MEF2A: variants seen among roughly 807,000 people sequenced by gnomAD.
MEF2A encodes the protein myocyte-specific enhancer factor 2A.
In MEF2A, 28 loss-of-function variants were observed where a neutral mutation model predicts 55.8. That is an observed-to-expected ratio of 0.50 (90% CI 0.37 to 0.69). The LOEUF (loss-of-function observed/expected upper bound fraction) is 0.69, where lower values mean the gene tolerates loss of function less well. MEF2A is among the 30% of genes least tolerant of loss of function. MEF2A has a pLI of 0.00. For synonymous variants in MEF2A, 239 were observed against 227.1 expected (o/e 1.05, Z -0.47); for missense variants, 528 against 626.2 (o/e 0.84, Z 1.67).
chr15:99,619,536 T>C (rs1001658783), intron 2 of MEF2A, among the ~76,000 whole-genome samples: 2 of 152,220 alleles, frequency 1.3e-5, no homozygotes, highest in African/African-American at 4.8e-5. Context: ...GTATTGCTGT[T>C]GTTACTATGC....
At chr15:99,709,269 C>T (rs1268059242) in intron 10 of MEF2A, among the ~76,000 whole-genome samples, 5 of 152,170 alleles carry the variant, frequency 3.3e-5, no homozygotes, top group Non-Finnish European at 2.9e-5. Context: ...AAGGATAACA[C>T]CCATGGGCTT....
rs549812774 is a variant in MEF2A, at chr15:99,651,902, A to G, written c.258+6138A>G. Among the ~76,000 whole-genome samples the G allele has an allele frequency of 2.3e-4, 35 of 152,334 alleles. No homozygotes were observed. The South Asian group carries it at 6.6e-3, about 29-fold the overall frequency. On this transcript the variant is annotated intron_variant, in intron 4 of 11. Transcript: ENST00000557942. Reference sequence around the variant, plus strand: ...GGAAAAGATGATAGATATCACTTGTATATATAACTGAACTTTTTTCTGTAA... The same window carrying G: ...GGAAAAGATGATAGATATCACTTGTGTATATAACTGAACTTTTTTCTGTAA...
intron 8 of MEF2A, chr15:99,690,778 T>G: frequency 2.4e-6 from 1 of 408,692 alleles, no homozygotes. Context: ...GAGAATAGAA[T>G]GATAGCAGAG....
chr15:99,625,633 T>C (rs1176955483), intron 2 of MEF2A, among the ~76,000 whole-genome samples: 1 of 152,166 alleles, frequency 6.6e-6, no homozygotes. Context: ...GTATTTATTA[T>C]GATGAAGTAG....
intron 11 of MEF2A, among the ~76,000 whole-genome samples, chr15:99,711,125 G>A (rs2058595173): frequency 1.3e-5 from 2 of 152,188 alleles, no homozygotes; most frequent in Non-Finnish European, 2.9e-5. Flanking sequence ...CTGCTCCCAA[G>A]CACCTGCCTC....
In MEF2A at chr15:99,716,227, C is replaced by T. The variant is rs2059139386; in HGVS notation, c.*3456C>T. ...GTATTTGGTAAATGTTTGTAGTCAA[C>T]AGTTCACACAAGAAGCTGTACACGG... On this transcript the variant is annotated 3_prime_UTR_variant, in exon 12 of 12. Coordinates refer to ENST00000557942, the MANE Select transcript of MEF2A (RefSeq NM_001319206.4). 8.5e-6 allele frequency: 2 copies of T among 236,284 alleles called. No individual in the cohort carries two copies. Among genetic ancestry groups the T allele is most frequent in the South Asian group, 1.0e-4 (2 of 19,578 alleles). 14.6% of individuals were successfully genotyped at this position (236,284 alleles called of 1,614,324 possible). A position where few individuals can be genotyped will look rare whatever the true frequency, so the allele number is the denominator to read the frequency against.
chr15:99,565,546 G>A (rs1959166191), upstream of MEF2A: 1 of 151,436 alleles, frequency 6.6e-6, no homozygotes, highest in Non-Finnish European at 1.5e-5. Flanking sequence ...CCCCGCCCTG[G>A]GAGGCGCCCG....
Position 99,715,586 on chromosome 15 carries a change from T to G in MEF2A, c.*2815T>G, listed in dbSNP as rs1416333052. On this transcript the variant is annotated 3_prime_UTR_variant, in exon 12 of 12. Coordinates refer to ENST00000557942, the MANE Select transcript of MEF2A (RefSeq NM_001319206.4). ...GTGTGAACACACCCACATCCACATCTCTGGGTGGAAACCAGCCTAGAGAGG... is the reference window on the plus strand; with the variant it reads ...GTGTGAACACACCCACATCCACATCGCTGGGTGGAAACCAGCCTAGAGAGG... 1 of 152,226 alleles carries G rather than the reference T, an allele frequency of 6.6e-6. No homozygotes were observed. The allele number at this position is 152,226 out of a possible 1,614,324, so 9.4% of individuals were successfully genotyped here.
chr15:99,603,991 TTTTGTGAAATAG>T (rs373900151), intron 2 of MEF2A, among the ~76,000 whole-genome samples: 1 of 152,218 alleles, frequency 6.6e-6, no homozygotes, highest in Non-Finnish European at 1.5e-5. Context: ...CACTATTAAA[TTTTGTGAAATAG>T]TTTGTGAAAT....
At chr15:99,709,728 G>A (rs1003506650) in intron 10 of MEF2A, among the ~76,000 whole-genome samples, 3 of 152,178 alleles carry the variant, frequency 2.0e-5, no homozygotes, top group African/African-American at 2.4e-5. Flanking sequence ...ATAACTCCCC[G>A]TGTGAGTGAT....
rs200979718 is a variant in MEF2A at position 99,639,077 on chromosome 15, TTTCCAAAGG to T, written c.54+5915_54+5923del. The stretch of plus-strand genomic sequence containing the variant: ...GAAAGCAGTTTAAAAATAAAAGTTT[TTTCCAAAGG>T]TTCCAAAGGTAGAGTACAGAGAACG... On this transcript the variant is annotated intron_variant, in intron 3 of 11. Transcript: ENST00000557942. 7.8e-3 allele frequency among the ~76,000 whole-genome samples: 1,181 copies of T among 152,294 alleles called. 12 individuals are homozygous for T. The highest frequency in any genetic ancestry group is 0.027 in the African/African-American group (1,103 of 41,566).
chr15:99,610,136 G>A (rs1031474482), intron 2 of MEF2A, among the ~76,000 whole-genome samples: 5 of 151,864 alleles, frequency 3.3e-5, no homozygotes, highest in Non-Finnish European at 7.4e-5. Flanking sequence ...ATAGAGCACT[G>A]GCAGTGAACA....
chr15:99,605,181 C>T (rs1010446036), intron 2 of MEF2A, among the ~76,000 whole-genome samples: 5 of 152,178 alleles, frequency 3.3e-5, no homozygotes, highest in African/African-American at 1.2e-4. Context: ...CTCCTGGCCT[C>T]AAGTGATCTG....
At position 99,579,062 on chromosome 15, in the gene MEF2A, C is replaced by T. The variant is rs1965171654; in HGVS notation, c.-225+12958C>T. Among the ~76,000 whole-genome samples, 3 of 152,268 alleles carry T rather than the reference C, an allele frequency of 2.0e-5. No individual in the cohort carries two copies. In the South Asian group the frequency reaches 6.2e-4, roughly 32 times the overall value. ...GCTCATAACACATGACCTGTGGTAG[C>T]TCATTTTCATTTGAATCACTTCTTT... On this transcript the variant is annotated intron_variant, in intron 1 of 11. Coordinates refer to ENST00000557942, the MANE Select transcript of MEF2A (RefSeq NM_001319206.4).
chr15:99,609,590 C>A (rs1326526477), intron 2 of MEF2A, among the ~76,000 whole-genome samples: 2 of 152,042 alleles, frequency 1.3e-5, no homozygotes, highest in Non-Finnish European at 1.5e-5. Context: ...AAATGGAATA[C>A]CTTAGTCATT....
intron 4 of MEF2A, among the ~76,000 whole-genome samples, chr15:99,661,097 A>G (rs917897775): frequency 6.6e-6 from 1 of 152,198 alleles, no homozygotes; most frequent in African/African-American, 2.4e-5. Context: ...ATGCATATTT[A>G]GATACTTAAT....
At chr15:99,622,913 G>A (rs973066270) in intron 2 of MEF2A, among the ~76,000 whole-genome samples, 4 of 151,790 alleles carry the variant, frequency 2.6e-5, no homozygotes, top group African/African-American at 9.7e-5. Flanking sequence ...ACCGTGTTAG[G>A]ATGGTCTCGA....
At chr15:99,684,498 A>C (rs1325329011) in intron 7 of MEF2A, among the ~76,000 whole-genome samples, 1 of 152,148 alleles carries the variant, frequency 6.6e-6, no homozygotes, top group Admixed American at 6.6e-5. Flanking sequence ...TCTTTTGGCA[A>C]TTTGTGTATC....
At chr15:99,582,439 T>TC (rs2152866865) in intron 1 of MEF2A, among the ~76,000 whole-genome samples, 1 of 152,200 alleles carries the variant, frequency 6.6e-6, no homozygotes, top group South Asian at 2.1e-4. Context: ...TAGTAGTTTT[T>TC]CTCTTTTAAA....
Sources: allele counts gnomAD v4.1 joint callset (sites outside exome capture counted in the v4.1 genomes callset), GRCh38; gene constraint gnomAD v4.1.1; transcripts MANE v1.5; gene names NCBI Gene and HGNC (gene_info 2026-07-23, HGNC 2026-07-21).